CLYBL: variants seen among roughly 807,000 people sequenced by gnomAD.
CLYBL encodes citramalyl-CoA lyase, mitochondrial.
Under a neutral mutation model 38.9 loss-of-function variants are expected in CLYBL, and 31 were observed. The ratio of observed to expected loss-of-function variants is 0.80; its 90% CI spans 0.60 to 1.08. CLYBL has a LOEUF of 1.08. Ranked by LOEUF, CLYBL falls within the 50% of genes least tolerant of loss-of-function variation. The pLI is 0.00. For missense variants in CLYBL, 434 were observed against 411.6 expected (o/e 1.05, Z -0.47); for synonymous variants, 171 against 158.6 (o/e 1.08, Z -0.59).
At chr13:99,622,656 TCG>T (rs1345024048) in intron 1 of CLYBL, among the ~76,000 whole-genome samples, 1 of 152,194 alleles carries the variant, frequency 6.6e-6, no homozygotes, top group Non-Finnish European at 1.5e-5. Context: ...AACATTTTCA[TCG>T]CCCTAAAGGA....
chr13:99,902,799 G>A (rs78440462), intron 8 of CLYBL, among the ~76,000 whole-genome samples: 3,416 of 152,298 alleles, frequency 0.022, 37 homozygotes, highest in South Asian at 0.049. Context: ...ATTCCCCATT[G>A]GGAAGCACTC....
intron 1 of CLYBL, among the ~76,000 whole-genome samples, chr13:99,658,579 C>T (rs930279558): frequency 1.3e-5 from 2 of 152,190 alleles, no homozygotes; most frequent in Non-Finnish European, 1.5e-5. Flanking sequence ...TAGCTAGGCC[C>T]TCCAGCCCGG....
intron 1 of CLYBL, among the ~76,000 whole-genome samples, chr13:99,621,293 T>C (rs2046792572): frequency 6.6e-6 from 1 of 152,144 alleles, no homozygotes; most frequent in Admixed American, 6.5e-5. Context: ...CCTCCATCTT[T>C]CCATTTCCCC....
intron 1 of CLYBL, among the ~76,000 whole-genome samples, chr13:99,663,459 C>A (rs896012914): frequency 6.6e-6 from 1 of 152,184 alleles, no homozygotes; most frequent in Non-Finnish European, 1.5e-5. Flanking sequence ...TGTGCCCTCA[C>A]ATTCCACTGC....
chr13:99,788,292 A>C (rs2049841660), intron 2 of CLYBL, among the ~76,000 whole-genome samples: 1 of 152,196 alleles, frequency 6.6e-6, no homozygotes, highest in Admixed American at 6.5e-5. Context: ...TTCAAAGGGA[A>C]TGCTTCCAGT....
intron 1 of CLYBL, among the ~76,000 whole-genome samples, chr13:99,662,447 T>G (rs891167670): frequency 2.0e-5 from 3 of 152,146 alleles, no homozygotes; most frequent in African/African-American, 7.2e-5. Context: ...TGTTAGACTA[T>G]TGGTTCTATT....
At chr13:99,857,557 A>G (rs548505208) in intron 2 of CLYBL, among the ~76,000 whole-genome samples, 3 of 152,260 alleles carry the variant, frequency 2.0e-5, no homozygotes, top group South Asian at 4.2e-4. Flanking sequence ...AAACTGTCTT[A>G]GGTACTCTTC....
intron 1 of CLYBL, among the ~76,000 whole-genome samples, chr13:99,681,255 T>C (rs2047730784): frequency 6.6e-6 from 1 of 152,176 alleles, no homozygotes. Flanking sequence ...ATCGTACCCA[T>C]GTTACATTTT....
intron 2 of CLYBL, among the ~76,000 whole-genome samples, chr13:99,823,346 A>G (rs1226050628): frequency 6.6e-6 from 1 of 152,144 alleles, no homozygotes; most frequent in Non-Finnish European, 1.5e-5. Context: ...ATAGGTGCAA[A>G]AAAGCCACTA....
chr13:99,677,334 G>GA (rs541131121), intron 1 of CLYBL, among the ~76,000 whole-genome samples: 12 of 143,596 alleles, frequency 8.4e-5, no homozygotes, highest in African/African-American at 1.8e-4. Context: ...TTTGAGAGAG[G>GA]AAAAAAAAAA....
At chr13:99,641,734 C>A (rs933053084) in intron 1 of CLYBL, among the ~76,000 whole-genome samples, 1 of 151,966 alleles carries the variant, frequency 6.6e-6, no homozygotes, top group Non-Finnish European at 1.5e-5. Context: ...ATGGCGTGAA[C>A]CCGGGAGGTG....
intron 2 of CLYBL, among the ~76,000 whole-genome samples, chr13:99,806,843 G>A (rs904143939): frequency 7.9e-5 from 12 of 152,272 alleles, no homozygotes; most frequent in African/African-American, 2.9e-4. Flanking sequence ...AGTAAGGGCA[G>A]TGGAGTTTGT....
At position 99,658,514 on chromosome 13, in the gene CLYBL, C is replaced by A. The variant is rs555165022; in HGVS notation, c.62+51757C>A. ...CCTTTCCTCCTGTGTCCCTCTCCCC[C>A]ACGCCGGCCTCCCCTCCTTTCAACT... is the stretch of plus-strand genomic sequence containing the variant. On this transcript the variant is annotated intron_variant, in intron 1 of 8. Coordinates refer to ENST00000339105, the MANE Select transcript of CLYBL (RefSeq NM_206808.5). Among the ~76,000 whole-genome samples the A allele has an allele frequency of 3.9e-5, 6 of 152,294 alleles. 1 individual carries two copies. The South Asian group carries it at 6.2e-4, about 16-fold the overall frequency.
chr13:99,745,989 G>A (rs1469283049), intron 1 of CLYBL, among the ~76,000 whole-genome samples: 4 of 151,176 alleles, frequency 2.6e-5, no homozygotes, highest in African/African-American at 9.7e-5. Context: ...GGATGAAAAC[G>A]GAGATTTCAT....
chr13:99,624,589 G>T (rs570406017), intron 1 of CLYBL, among the ~76,000 whole-genome samples: 17 of 152,290 alleles, frequency 1.1e-4, no homozygotes, highest in African/African-American at 3.9e-4. Flanking sequence ...CGCATCTTCC[G>T]TACAACTGGT....
rs750414724 is a variant in CLYBL at position 99,866,456 on chromosome 13, G to A, written c.802+49G>A. 5.1e-6 allele frequency: 8 copies of A among 1,560,380 alleles called. No homozygotes were observed. The African/African-American group carries it at 1.1e-4, about 22-fold the overall frequency. On this transcript the variant is annotated intron_variant, in intron 6 of 8. Coordinates refer to ENST00000339105, the MANE Select transcript of CLYBL (RefSeq NM_206808.5). ...AGTGTCTAAATTAGCAAGCATTCCA[G>A]AAAAATAGAAATTTGACCCGAAAAC...
intron 1 of CLYBL, among the ~76,000 whole-genome samples, chr13:99,685,399 A>T (rs1244362722): frequency 6.6e-6 from 1 of 152,240 alleles, no homozygotes; most frequent in Non-Finnish European, 1.5e-5. Flanking sequence ...CAACATATTT[A>T]TAATCTTTAT....
intron 1 of CLYBL, among the ~76,000 whole-genome samples, chr13:99,770,442 C>T (rs1287919276): frequency 1.3e-5 from 2 of 152,152 alleles, no homozygotes; most frequent in African/African-American, 4.8e-5. Flanking sequence ...CTCAGCCTCC[C>T]GAGCAGCTGG....
At chr13:99,838,918 C>G (rs371109227) in intron 2 of CLYBL, among the ~76,000 whole-genome samples, 2 of 152,220 alleles carry the variant, frequency 1.3e-5, no homozygotes, top group East Asian at 1.9e-4. Context: ...GGATTACAGG[C>G]GTGAACCACG....
Sources: gnomAD v4.1 joint callset for allele counts (sites outside exome capture counted in the v4.1 genomes callset) on GRCh38, gnomAD v4.1.1 for gene constraint, MANE v1.5 for transcripts, NCBI Gene and HGNC (gene_info 2026-07-23, HGNC 2026-07-21) for gene names.